Variants in NXPH1 observed in about 807,000 individuals in gnomAD.
The protein encoded by NXPH1 is neurexophilin 1.
NXPH1 carries 5 observed loss-of-function variants against 23.7 expected under a neutral mutation model. The observed-to-expected ratio is 0.21, with a 90% confidence interval of 0.11 to 0.44. The LOEUF (loss-of-function observed/expected upper bound fraction) is 0.44, where lower values mean the gene tolerates loss of function less well. NXPH1 is among the 20% of genes least tolerant of loss of function. The pLI is 0.99. For synonymous variants in NXPH1, 144 were observed against 122.2 expected, an observed-to-expected ratio of 1.18 and a Z score of -1.18; for missense variants, 324 against 321.6, an observed-to-expected ratio of 1.01 and a Z score of -0.06.
intron 2 of NXPH1, among the ~76,000 whole-genome samples, chr7:8,541,633 TC>T (rs1296970085): frequency 6.6e-6 from 1 of 151,536 alleles, no homozygotes; most frequent in African/African-American, 2.4e-5. Context: ...AATTTAAATC[TC>T]AAAAATTGCT....
At chr7:8,546,587 T>C (rs1818200553) in intron 2 of NXPH1, among the ~76,000 whole-genome samples, 1 of 151,402 alleles carries the variant, frequency 6.6e-6, no homozygotes, top group Non-Finnish European at 1.5e-5. Context: ...TTCATAAATA[T>C]TTGTTCTGAT....
At chr7:8,644,104 G>A (rs2115146097) in intron 2 of NXPH1, among the ~76,000 whole-genome samples, 1 of 152,150 alleles carries the variant, frequency 6.6e-6, no homozygotes, top group East Asian at 1.9e-4. Flanking sequence ...CCTGTCTTTT[G>A]AGGAGGTTTG....
At chr7:8,613,248 C>A (rs902041168) in intron 2 of NXPH1, among the ~76,000 whole-genome samples, 1 of 151,734 alleles carries the variant, frequency 6.6e-6, no homozygotes, top group East Asian at 1.9e-4. Flanking sequence ...TTTCTTTTAG[C>A]CAGAAAAGCT....
chr7:8,504,483 C>G (rs964736366), intron 2 of NXPH1, among the ~76,000 whole-genome samples: 15 of 151,986 alleles, frequency 9.9e-5, no homozygotes, highest in African/African-American at 3.4e-4. Context: ...GAACAGGGAA[C>G]TCACCTATGT....
chr7:8,695,858 A>G (rs1016046956), intron 2 of NXPH1, among the ~76,000 whole-genome samples: 1 of 152,180 alleles, frequency 6.6e-6, no homozygotes, highest in African/African-American at 2.4e-5. Context: ...CGTGGTTCCT[A>G]TTCTCAGCTG....
At chr7:8,708,520 C>T (rs1369756977) in intron 2 of NXPH1, among the ~76,000 whole-genome samples, 1 of 151,944 alleles carries the variant, frequency 6.6e-6, no homozygotes, top group Non-Finnish European at 1.5e-5. Context: ...GCCACCATGC[C>T]TGGCTAATTT....
intron 2 of NXPH1, among the ~76,000 whole-genome samples, chr7:8,617,054 A>G (rs1367975340): frequency 6.6e-6 from 1 of 151,970 alleles, no homozygotes; most frequent in Non-Finnish European, 1.5e-5. Flanking sequence ...GTATTTGACA[A>G]TGTTTGGAAA....
At chr7:8,604,017 G>A (rs1465282406) in intron 2 of NXPH1, among the ~76,000 whole-genome samples, 1 of 151,992 alleles carries the variant, frequency 6.6e-6, no homozygotes, top group East Asian at 1.9e-4. Context: ...CAAATGCAAT[G>A]AAGATAGTGT....
intron 2 of NXPH1, among the ~76,000 whole-genome samples, chr7:8,498,757 G>T (rs1235930577): frequency 6.6e-6 from 1 of 151,958 alleles, no homozygotes; most frequent in Non-Finnish European, 1.5e-5. Flanking sequence ...AAGTCCTAGG[G>T]GAAATATCTA....
At chr7:8,609,558 G>A (rs993128172) in intron 2 of NXPH1, among the ~76,000 whole-genome samples, 2 of 152,238 alleles carry the variant, frequency 1.3e-5, no homozygotes, top group Admixed American at 6.5e-5. Context: ...ATTGAAAGAC[G>A]AAAAGATATT....
chr7:8,553,328 G>A (rs73678053), intron 2 of NXPH1, among the ~76,000 whole-genome samples: 2,702 of 138,994 alleles, frequency 0.019, 63 homozygotes, highest in African/African-American at 0.067. Flanking sequence ...TTCTGAGGAA[G>A]GTGGTGGGCA....
chr7:8,704,067 T>C (rs760314118), intron 2 of NXPH1, among the ~76,000 whole-genome samples: 1 of 152,132 alleles, frequency 6.6e-6, no homozygotes, highest in African/African-American at 2.4e-5. Flanking sequence ...AAGGAGGAGA[T>C]ATGTAATGAT....
At chr7:8,740,072 G>A (rs1410463146) in intron 2 of NXPH1, among the ~76,000 whole-genome samples, 1 of 152,188 alleles carries the variant, frequency 6.6e-6, no homozygotes, top group Non-Finnish European at 1.5e-5. Flanking sequence ...GATTATTTGA[G>A]CTGATGTAAT....
At chr7:8,516,634 G>A (rs75426087) in intron 2 of NXPH1, among the ~76,000 whole-genome samples, 1,895 of 152,150 alleles carry the variant, frequency 0.012, 41 homozygotes, top group African/African-American at 0.043. Flanking sequence ...CAGCAGAATG[G>A]GGGAATTGCT....
Position 8,663,355 on chromosome 7 carries a change from C to G in NXPH1, c.55-87653C>G, listed in dbSNP as rs1243630325. Among the ~76,000 whole-genome samples the G allele has an allele frequency of 2.6e-5, 4 of 152,070 alleles. No individual in the cohort carries two copies. In the East Asian group the frequency reaches 5.8e-4, roughly 22 times the overall value. ...CTTGACATTTAACTATGGGCCCCAT[C>G]ATCCTTTCTGGTCTCACGATCCATC... On this transcript the variant is annotated intron_variant, in intron 2 of 2. Transcript: ENST00000405863.
chr7:8,675,901 A>T (rs1379520296), intron 2 of NXPH1, among the ~76,000 whole-genome samples: 1 of 152,138 alleles, frequency 6.6e-6, no homozygotes, highest in Non-Finnish European at 1.5e-5. Flanking sequence ...ACCCATTTCC[A>T]TCTAGCCTTC....
At chr7:8,496,505 C>T (rs578212315) in intron 2 of NXPH1, among the ~76,000 whole-genome samples, 1 of 151,978 alleles carries the variant, frequency 6.6e-6, no homozygotes, top group Non-Finnish European at 1.5e-5. Context: ...GGCAGAAGAG[C>T]CTTGAGACCT....
chr7:8,732,465 C>T (rs1265750893), intron 2 of NXPH1, among the ~76,000 whole-genome samples: 1 of 152,150 alleles, frequency 6.6e-6, no homozygotes, highest in Admixed American at 6.5e-5. Flanking sequence ...ATGGAAAAAT[C>T]ATTTGTATTG....
chr7:8,436,695 C>A (rs1194953133), intron 2 of NXPH1, among the ~76,000 whole-genome samples: 1 of 152,146 alleles, frequency 6.6e-6, no homozygotes, highest in East Asian at 1.9e-4. Context: ...GTGTCCCGAC[C>A]CCCATAGCCC....
Sources: allele counts gnomAD v4.1 joint callset (sites outside exome capture counted in the v4.1 genomes callset), GRCh38; gene constraint gnomAD v4.1.1; transcripts MANE v1.5; gene names NCBI Gene and HGNC (gene_info 2026-07-23, HGNC 2026-07-21).